MCPH1: variants seen among roughly 807,000 people sequenced by gnomAD.
MCPH1 encodes microcephalin 1.
In MCPH1, 104 loss-of-function variants were observed where a neutral mutation model predicts 84.5. The ratio of observed to expected loss-of-function variants is 1.23; its 90% CI spans 1.05 to 1.45. The LOEUF is 1.45. Ranked by LOEUF, MCPH1 falls within the 40% of genes most tolerant of loss-of-function variation. The pLI is 0.00. For missense variants in MCPH1, 1,498 were observed against 1,005.7 expected (o/e 1.49, Z -6.62); for synonymous variants, 514 against 366.8 (o/e 1.40, Z -4.58).
At chr8:6,513,982 C>T in intron 12 of MCPH1, 4 of 813,064 alleles carry the variant, frequency 4.9e-6, no homozygotes, top group Non-Finnish European at 7.5e-6. Flanking sequence ...ATTTAGGGTC[C>T]TTCCCAAAGG....
At chr8:6,413,218 A>G (rs190945080) in intron 2 of MCPH1, among the ~76,000 whole-genome samples, 66 of 151,834 alleles carry the variant, frequency 4.3e-4, no homozygotes, top group African/African-American at 1.5e-3. Context: ...GGTATTTCCC[A>G]TTGTTTTCTC....
intron 3 of MCPH1, among the ~76,000 whole-genome samples, chr8:6,418,426 G>A (rs187396207): frequency 2.8e-4 from 42 of 152,100 alleles, no homozygotes; most frequent in African/African-American, 7.7e-4. Flanking sequence ...TTTCCAGGAC[G>A]TATAGCTTAT....
chr8:6,495,752 C>T (rs754854262), intron 11 of MCPH1, among the ~76,000 whole-genome samples: 2 of 152,202 alleles, frequency 1.3e-5, no homozygotes, highest in Non-Finnish European at 2.9e-5. Context: ...ACACCCCAAT[C>T]ACTTTCAGTG....
At chr8:6,522,350 G>A (rs1056535883) in intron 12 of MCPH1, among the ~76,000 whole-genome samples, 2 of 150,118 alleles carry the variant, frequency 1.3e-5, no homozygotes, top group Non-Finnish European at 3.0e-5. Context: ...GCGAGACTCC[G>A]TCTCAAAAAA....
chr8:6,590,938 G>T (rs1828406840), intron 12 of MCPH1, among the ~76,000 whole-genome samples: 1 of 152,210 alleles, frequency 6.6e-6, no homozygotes, highest in South Asian at 2.1e-4. Flanking sequence ...TTTTGCTCTT[G>T]TTGCCCAGGC....
chr8:6,604,780 C>T (rs1233956029), intron 12 of MCPH1, among the ~76,000 whole-genome samples: 1 of 152,198 alleles, frequency 6.6e-6, no homozygotes, highest in Non-Finnish European at 1.5e-5. Flanking sequence ...GCTGGGATTA[C>T]AGGTGTGAGA....
chr8:6,622,973 T>G (rs1156957680), intron 13 of MCPH1, among the ~76,000 whole-genome samples: 1 of 151,438 alleles, frequency 6.6e-6, no homozygotes, highest in African/African-American at 2.4e-5. Context: ...CCCAAGTAGC[T>G]GGAACTACAG....
At chr8:6,483,446 A>T (rs952070331) in intron 11 of MCPH1, among the ~76,000 whole-genome samples, 3 of 152,236 alleles carry the variant, frequency 2.0e-5, no homozygotes, top group African/African-American at 7.2e-5. Context: ...GTGGTCCTCA[A>T]GGCAGTGTGG....
intron 3 of MCPH1, among the ~76,000 whole-genome samples, chr8:6,422,559 G>C (rs1330529737): frequency 6.6e-6 from 1 of 152,092 alleles, no homozygotes; most frequent in Non-Finnish European, 1.5e-5. Context: ...TGCTTTGCTG[G>C]CCCAGCCCCT....
chr8:6,615,492 C>T (rs1830701420), intron 12 of MCPH1: 1 of 152,330 alleles, frequency 6.6e-6, no homozygotes, highest in Admixed American at 6.5e-5. Context: ...GATTCTGTGG[C>T]TCAGCCCTGA....
At chr8:6,604,002 C>CT (rs11428333) in intron 12 of MCPH1, among the ~76,000 whole-genome samples, 135,176 of 145,470 alleles carry the variant, frequency 0.93, 63,357 homozygotes, top group South Asian at 1. Context: ...TTCACTTTGA[C>CT]TTTTTTTTTT....
chr8:6,626,768 C>T, intron 13 of MCPH1: 3 of 985,282 alleles, frequency 3.0e-6, no homozygotes, highest in Non-Finnish European at 3.6e-6. Flanking sequence ...GCTCTGAGCC[C>T]TGGCGCGGTC....
At chr8:6,540,654 C>G (rs376963908) in intron 12 of MCPH1, among the ~76,000 whole-genome samples, 7 of 152,248 alleles carry the variant, frequency 4.6e-5, no homozygotes, top group African/African-American at 1.4e-4. Flanking sequence ...CTTACAATGA[C>G]AAAATGCTTC....
intron 12 of MCPH1, chr8:6,509,153 A>G: frequency 1.3e-6 from 2 of 1,517,646 alleles, no homozygotes; most frequent in Non-Finnish European, 1.8e-6. Context: ...TCCATTCTAC[A>G]GAAGCGTGTT....
At chr8:6,507,233 C>G (rs913703799) in intron 12 of MCPH1, among the ~76,000 whole-genome samples, 4 of 152,104 alleles carry the variant, frequency 2.6e-5, no homozygotes, top group Admixed American at 6.5e-5. Flanking sequence ...TGCATCATAA[C>G]TTGGGTCATC....
chr8:6,433,555 C>A (rs564230373), intron 4 of MCPH1, among the ~76,000 whole-genome samples: 1 of 149,088 alleles, frequency 6.7e-6, no homozygotes, highest in African/African-American at 2.5e-5. Context: ...ATTGCTTGAA[C>A]CCAGGAGGTG....
intron 4 of MCPH1, among the ~76,000 whole-genome samples, chr8:6,432,142 G>T (rs1011743877): frequency 2.0e-5 from 3 of 152,180 alleles, no homozygotes; most frequent in African/African-American, 4.8e-5. Flanking sequence ...ACCTAAGAAA[G>T]AATTGTTTGT....
chr8:6,456,334 C>T (rs906386922), intron 9 of MCPH1, among the ~76,000 whole-genome samples: 9 of 152,184 alleles, frequency 5.9e-5, no homozygotes, highest in African/African-American at 2.2e-4. Context: ...GGGACCTGCT[C>T]AGCGCGCTGC....
rs776234658 is a variant in MCPH1, at chr8:6,444,680, G to T, written c.958G>T (p.Gly320Cys). The change falls in exon 8 of 14, where the codon GGT becomes TGT. Residue 320 changes from glycine to cysteine, a missense_variant. By Grantham distance (159) the Gly-to-Cys change is radical. Transcript: ENST00000344683. ...VVTPDQKQAA[G>C]MSQETFEEKY... The stretch of plus-strand genomic sequence containing the variant: ...CACCCCTGACCAAAAGCAGGCTGCA[G>T]GTATGTCTCAGGAGACGTTTGAAGA... 2 of 1,613,950 alleles carry T rather than the reference G, an allele frequency of 1.2e-6. No homozygotes were observed. Among genetic ancestry groups the T allele is most frequent in the Non-Finnish European group, 1.7e-6 (2 of 1,180,028 alleles).
Sources: gnomAD v4.1 joint callset for allele counts (sites outside exome capture counted in the v4.1 genomes callset) on GRCh38, gnomAD v4.1.1 for gene constraint, MANE v1.5 for transcripts, NCBI Gene and HGNC (gene_info 2026-07-23, HGNC 2026-07-21) for gene names.